Variants in KIAA0319L observed in about 807,000 individuals in gnomAD.
KIAA0319L encodes the protein dyslexia-associated protein KIAA0319-like protein.
Under a neutral mutation model 120.1 loss-of-function variants are expected in KIAA0319L, and 55 were observed. That is an observed-to-expected ratio of 0.46 (90% CI 0.37 to 0.57). KIAA0319L has a LOEUF of 0.57. Ranked by LOEUF, KIAA0319L falls within the 20% of genes least tolerant of loss-of-function variation. KIAA0319L has a pLI of 0.00. For missense variants in KIAA0319L, 1,049 were observed against 1,255.3 expected (o/e 0.84, Z 2.48); for synonymous variants, 398 against 471.9 (o/e 0.84, Z 2.03).
At position 35,450,391 on chromosome 1, in the gene KIAA0319L, G is replaced by T; in HGVS notation, c.2181C>A (p.Leu727=). 1 of 1,614,106 alleles carries T rather than the reference G, an allele frequency of 6.2e-7. No individual in the cohort carries two copies. The highest frequency in any genetic ancestry group is 1.1e-5 in the South Asian group (1 of 91,084). The change falls in exon 14 of 21, where the codon CTC becomes CTA. Residue 727 remains leucine (L), a synonymous_variant. Coordinates refer to ENST00000325722, the MANE Select transcript of KIAA0319L (RefSeq NM_024874.5). ...SSDDKGIVSY[L]WTRDEGSPAA... is the part of the protein sequence containing the mutation. Reference sequence around the variant, plus strand: ...CTGGGCTCCCCTCATCTCGAGTCCAGAGGTAGCTGACTATTCCCTTGTCAT... The same window carrying T: ...CTGGGCTCCCCTCATCTCGAGTCCATAGGTAGCTGACTATTCCCTTGTCAT...
intron 2 of KIAA0319L, among the ~76,000 whole-genome samples, chr1:35,537,604 G>T (rs2148484352): frequency 7.9e-6 from 1 of 125,856 alleles, no homozygotes; most frequent in East Asian, 2.8e-4. Context: ...GGAGCATTAT[G>T]TAAGCGCCAT....
chr1:35,532,641 AGAT>A (rs753036452), intron 2 of KIAA0319L, among the ~76,000 whole-genome samples: 3 of 152,240 alleles, frequency 2.0e-5, no homozygotes, highest in Non-Finnish European at 2.9e-5. Flanking sequence ...ATAAAAGGTA[AGAT>A]GAAAATATAC....
intron 2 of KIAA0319L, among the ~76,000 whole-genome samples, chr1:35,513,288 A>ATATATATATATTTTTTTT (rs1414704674): frequency 3.5e-5 from 3 of 85,338 alleles, no homozygotes; most frequent in African/African-American, 1.3e-4. Flanking sequence ...ATATATATAT[A>ATATATATATATTTTTTTT]TTTTTTTTTT....
At chr1:35,518,214 G>A (rs1645760284) in intron 2 of KIAA0319L, among the ~76,000 whole-genome samples, 1 of 152,078 alleles carries the variant, frequency 6.6e-6, no homozygotes, top group African/African-American at 2.4e-5. Context: ...TCCTATTACT[G>A]GGTATATACC....
chr1:35,484,811 T>A (rs1220727311), intron 3 of KIAA0319L, among the ~76,000 whole-genome samples: 2 of 139,032 alleles, frequency 1.4e-5, no homozygotes, highest in African/African-American at 5.3e-5. Flanking sequence ...TATATATTTT[T>A]TTTTTTATTA....
At chr1:35,500,179 T>C (rs1283073509) in intron 3 of KIAA0319L, among the ~76,000 whole-genome samples, 1 of 152,260 alleles carries the variant, frequency 6.6e-6, no homozygotes, top group African/African-American at 2.4e-5. Context: ...CTAAGTGGAC[T>C]TTCATTTCCT....
At chr1:35,556,626 T>A (rs1021755785) in intron 1 of KIAA0319L, 1 of 152,220 alleles carries the variant, frequency 6.6e-6, no homozygotes, top group Non-Finnish European at 1.5e-5. Flanking sequence ...CTTCACTAAC[T>A]GCAACTACTG....
chr1:35,455,726 G>A (rs974947722), intron 10 of KIAA0319L, among the ~76,000 whole-genome samples: 4 of 151,728 alleles, frequency 2.6e-5, no homozygotes, highest in Middle Eastern at 3.4e-3. Context: ...GATTACAGGC[G>A]CACGCCACTA....
rs150760367 is a variant in KIAA0319L, at chr1:35,506,711, T to C, written c.567A>G (p.Arg189=). The C allele has an allele frequency of 1.2e-6, 2 of 1,614,070 alleles. No homozygotes were observed. Among genetic ancestry groups the C allele is most frequent in the Non-Finnish European group, 1.7e-6 (2 of 1,180,038 alleles). Residue 189 remains arginine (R), a synonymous_variant, in exon 3 of 21, where the codon AGA becomes AGG. Coordinates refer to ENST00000325722, the MANE Select transcript of KIAA0319L (RefSeq NM_024874.5). This position sits in a 1 kb window ranked among gnomAD's most constrained non-coding sequence, Gnocchi z 4.0. ...GTGTAACTACGTCACTGGGACTACC[T>C]CTCTTCTGAAGCTTCCTGATTAAGC... is the stretch of plus-strand genomic sequence containing the variant. The part of the protein sequence containing the change: ...QQSLIRKLQK[R]GSPSDVVTPI...
intron 2 of KIAA0319L, among the ~76,000 whole-genome samples, chr1:35,521,397 G>A (rs1392781759): frequency 6.6e-6 from 1 of 151,984 alleles, no homozygotes; most frequent in African/African-American, 2.4e-5. Flanking sequence ...CACTTCGGGA[G>A]GCCAAGATGG....
Position 35,453,525 on chromosome 1 carries a change from T to G in KIAA0319L, c.1913+32A>C, listed in dbSNP as rs755173062. 3 of 1,611,800 alleles carry G rather than the reference T, an allele frequency of 1.9e-6. No individual in the cohort carries two copies. In the African/African-American group the frequency reaches 4.0e-5, roughly 22 times the overall value. ...TTGCTCTTCCAAGGTCTGGAGGCTT[T>G]GCAAAAATAAGGATTTTGTGTCAAT... is the stretch of plus-strand genomic sequence containing the variant. On this transcript the variant is annotated intron_variant, in intron 12 of 20. Transcript: ENST00000325722. The surrounding 1 kb of genome is among the most constrained non-coding windows in gnomAD (Gnocchi z 4.1).
At chr1:35,534,876 A>G (rs1045512298) in intron 2 of KIAA0319L, among the ~76,000 whole-genome samples, 64 of 148,256 alleles carry the variant, frequency 4.3e-4, no homozygotes, top group African/African-American at 1.4e-3. Context: ...AAAAAAAAAA[A>G]AAAAAAAGAA....
intron 2 of KIAA0319L, among the ~76,000 whole-genome samples, chr1:35,512,022 C>T (rs1350692279): frequency 6.6e-6 from 1 of 152,138 alleles, no homozygotes; most frequent in Non-Finnish European, 1.5e-5. Flanking sequence ...GTAATCCCAG[C>T]ACTTTGGGAG....
At chr1:35,487,825 T>G (rs1351866854) in intron 3 of KIAA0319L, among the ~76,000 whole-genome samples, 1 of 150,110 alleles carries the variant, frequency 6.7e-6, no homozygotes, top group Non-Finnish European at 1.5e-5. Context: ...GACAGAACTC[T>G]AATCTCTGCC....
intron 3 of KIAA0319L, among the ~76,000 whole-genome samples, chr1:35,502,674 C>T (rs1420885038): frequency 6.6e-6 from 1 of 152,124 alleles, no homozygotes; most frequent in African/African-American, 2.4e-5. Flanking sequence ...CTCTGACCAC[C>T]GCCTCCTATC....
In KIAA0319L at chr1:35,450,507, T is replaced by C; in HGVS notation, c.2065A>G (p.Ile689Val). The C allele has an allele frequency of 6.2e-7, 1 of 1,605,602 alleles. No homozygotes were observed. Among genetic ancestry groups the C allele is most frequent in the Non-Finnish European group, 8.5e-7 (1 of 1,175,372 alleles). Residue 689 changes from isoleucine to valine, a missense_variant and splice_region_variant, in exon 14 of 21, where the codon ATA (isoleucine) becomes GTA (valine). Transcript: ENST00000325722. ...ATCTTGGCTATAGGTGGTTTGTTTA[T>C]TTCTAATCAAAAAGAAATCATTGAC... is the stretch of plus-strand genomic sequence containing the variant. ...SSVNVIVKEE[I>V]NKPPIAKITG...
intron 2 of KIAA0319L, among the ~76,000 whole-genome samples, chr1:35,543,571 G>GA (rs1222169605): frequency 2.0e-5 from 3 of 152,174 alleles, no homozygotes; most frequent in Non-Finnish European, 4.4e-5. Context: ...TCTCTTAAAG[G>GA]AAAAAGACAC....
intron 12 of KIAA0319L, among the ~76,000 whole-genome samples, chr1:35,452,455 G>T (rs1236313858): frequency 6.6e-6 from 1 of 152,146 alleles, no homozygotes; most frequent in Admixed American, 6.5e-5. Flanking sequence ...GGATCAAAAT[G>T]CCCCAGAGCT....
chr1:35,556,040 C>G (rs1394947651), intron 1 of KIAA0319L, among the ~76,000 whole-genome samples: 5 of 152,156 alleles, frequency 3.3e-5, no homozygotes, highest in Non-Finnish European at 5.9e-5. Flanking sequence ...GCTTGCTGAC[C>G]AAACGCAAGA....
Sources: gnomAD v4.1 joint callset for allele counts (sites outside exome capture counted in the v4.1 genomes callset) on GRCh38, gnomAD v4.1.1 for gene constraint, Gnocchi (gnomAD v3.1) non-coding constraint, MANE v1.5 for transcripts, NCBI Gene and HGNC (gene_info 2026-07-23, HGNC 2026-07-21) for gene names.